The following USP8 variants were observed in gnomAD, a reference collection of about 807,000 sequenced individuals.
The protein encoded by USP8 is ubiquitin specific peptidase 8.
In USP8, 27 loss-of-function variants were observed where a neutral mutation model predicts 130.0. The observed-to-expected ratio is 0.21, with a 90% CI of 0.15 to 0.29. The LOEUF is 0.29. USP8 is among the 10% of genes least tolerant of loss of function. USP8 has a pLI of 1.00. For synonymous variants in USP8, 392 were observed against 444.1 expected (o/e 0.88, Z 1.48); for missense variants, 1,029 against 1,312.2 (o/e 0.78, Z 3.33).
chr15:50,439,799 TA>T (rs1451114933), intron 2 of USP8, among the ~76,000 whole-genome samples: 13 of 134,270 alleles, frequency 9.7e-5, no homozygotes, highest in South Asian at 2.2e-4. Context: ...TCAATAATAA[TA>T]ATAATAATAA....
At chr15:50,494,324 TGCTCAG>T in intron 16 of USP8, 44 bp downstream of exon 16, 1 of 1,523,888 alleles carries the variant, frequency 6.6e-7, no homozygotes, top group Non-Finnish European at 8.8e-7. Context: ...TCTTTAGGGT[TGCTCAG>T]TAGCACTGTA....
intron 1 of USP8, among the ~76,000 whole-genome samples, chr15:50,437,132 T>A (rs564982153): frequency 6.6e-6 from 1 of 152,354 alleles, no homozygotes; most frequent in East Asian, 1.9e-4. Flanking sequence ...TGCGTTGTTA[T>A]GCTCATATTA....
chr15:50,498,097 C>T (rs538953287), intron 18 of USP8, among the ~76,000 whole-genome samples: 11 of 152,206 alleles, frequency 7.2e-5, no homozygotes, highest in African/African-American at 2.4e-4. Context: ...TATGAAATAA[C>T]CATATTACAC....
At chr15:50,483,120 A>G (rs2051834826) in intron 11 of USP8, among the ~76,000 whole-genome samples, 1 of 152,182 alleles carries the variant, frequency 6.6e-6, no homozygotes, top group Non-Finnish European at 1.5e-5. Context: ...TATGCCAAGT[A>G]TTTTCACTGC....
At chr15:50,450,710 A>G (rs1469650514) in intron 4 of USP8, among the ~76,000 whole-genome samples, 1 of 152,060 alleles carries the variant, frequency 6.6e-6, no homozygotes. Context: ...ACCTCCGATG[A>G]TCTGCCTGCC....
rs1275151173 is a variant in USP8 at position 50,462,342 on chromosome 15, G to A, written c.541+20G>A. The stretch of plus-strand genomic sequence containing the variant: ...AGAAAGGTAAGTGTGTACAGAAGGA[G>A]GAAGTTGTTTTAGGTTCTGACTGAG... On this transcript the variant is annotated intron_variant, in intron 6 of 19. Coordinates refer to ENST00000307179, the MANE Select transcript of USP8 (RefSeq NM_005154.5). 5 of 1,586,222 alleles carry A rather than the reference G, an allele frequency of 3.2e-6. No homozygotes were observed. The Admixed American group carries it at 7.7e-5, about 24-fold the overall frequency.
intron 10 of USP8, among the ~76,000 whole-genome samples, chr15:50,478,980 A>G (rs190131265): frequency 1.2e-4 from 18 of 152,238 alleles, no homozygotes; most frequent in Non-Finnish European, 2.1e-4. Flanking sequence ...ACATGAACCC[A>G]GGAAGCAGAG....
rs569394899 is a variant in USP8 at position 50,464,969 on chromosome 15, C to T, written c.542-78C>T. The T allele has an allele frequency of 1.7e-5, 26 of 1,518,488 alleles. No individual in the cohort carries two copies. In the Middle Eastern group the frequency reaches 5.2e-4, roughly 31 times the overall value. 94.1% of individuals were successfully genotyped at this position (1,518,488 alleles called of 1,614,324 possible). Reference sequence around the variant, plus strand: ...GTATACTTTGCTCTTCTAGAAAAAGCGGTTTGTCCTGTGTTTTGTGATGTC... The same window carrying T: ...GTATACTTTGCTCTTCTAGAAAAAGTGGTTTGTCCTGTGTTTTGTGATGTC... On this transcript the variant is annotated intron_variant, in intron 6 of 19. Transcript: ENST00000307179.
At chr15:50,455,552 C>T (rs2050764889) in intron 4 of USP8, among the ~76,000 whole-genome samples, 1 of 152,200 alleles carries the variant, frequency 6.6e-6, no homozygotes, top group Non-Finnish European at 1.5e-5. Flanking sequence ...CAGTGTGCAG[C>T]ACCTTTTCTC....
chr15:50,464,978 C>T (rs2051134962), intron 6 of USP8, 69 bp from the exon 7 acceptor site: 2 of 1,571,694 alleles, frequency 1.3e-6, no homozygotes, highest in Non-Finnish European at 8.6e-7. Context: ...GCGGTTTGTC[C>T]TGTGTTTTGT....
At chr15:50,473,277 A>T (rs1422350981) in intron 8 of USP8, among the ~76,000 whole-genome samples, 2 of 152,154 alleles carry the variant, frequency 1.3e-5, no homozygotes, top group African/African-American at 4.8e-5. Flanking sequence ...TTTCTTACAT[A>T]AAATGGTATA....
intron 10 of USP8, among the ~76,000 whole-genome samples, chr15:50,479,284 T>C (rs2051681543): frequency 6.6e-6 from 1 of 152,082 alleles, no homozygotes; most frequent in Non-Finnish European, 1.5e-5. Context: ...AAGAGTAGGA[T>C]TGGAGGATAG....
At position 50,441,493 on chromosome 15, in the gene USP8, G is replaced by T; in HGVS notation, c.249G>T (p.Gln83His). 6.4e-7 allele frequency: 1 copy of T among 1,555,382 alleles called. No homozygotes were observed. The highest frequency in any genetic ancestry group is 8.6e-7 in the Non-Finnish European group (1 of 1,159,736). The change falls in exon 3 of 20, where the codon CAG becomes CAT. Residue 83 changes from glutamine (Q) to histidine (H), a missense_variant and splice_region_variant. Gln to His is a conservative substitution (Grantham distance 24). Coordinates refer to ENST00000307179, the MANE Select transcript of USP8 (RefSeq NM_005154.5). ...IKKRPDFKQQ[Q>H]DYFHSILGPG... ...AAAGACCTGATTTCAAGCAACAGCAGGTACCTTTTATTTTTGCATTGTTAT... is the reference window on the plus strand; with the variant it reads ...AAAGACCTGATTTCAAGCAACAGCATGTACCTTTTATTTTTGCATTGTTAT...
At chr15:50,451,592 C>T (rs1401061461) in intron 4 of USP8, among the ~76,000 whole-genome samples, 1 of 152,118 alleles carries the variant, frequency 6.6e-6, no homozygotes, top group Non-Finnish European at 1.5e-5. Context: ...TTTGAATTTT[C>T]CTCTGTATAG....
rs888744987 is a variant in USP8, at chr15:50,479,843, C to T, written c.1219-1638C>T. Among the ~76,000 whole-genome samples the T allele has an allele frequency of 4.6e-5, 7 of 152,038 alleles. No individual in the cohort carries two copies. The East Asian group carries it at 9.7e-4, about 21-fold the overall frequency. ...GCGTGATCACAGCTCACTGCAGCCT[C>T]GACTTCCTGGGTTCAAGCAATCCTC... On this transcript the variant is annotated intron_variant, in intron 10 of 19. Transcript: ENST00000307179.
chr15:50,432,463 T>C (rs2049962625), intron 1 of USP8: 1 of 152,200 alleles, frequency 6.6e-6, no homozygotes. Flanking sequence ...GTGCACTGCT[T>C]TTTGCATGGA....
At position 50,477,307 on chromosome 15, in the gene USP8, A is replaced by G; in HGVS notation, c.1026A>G (p.Ser342=). The G allele has an allele frequency of 6.2e-7, 1 of 1,613,200 alleles. No homozygotes were observed. Among genetic ancestry groups the G allele is most frequent in the Non-Finnish European group, 8.5e-7 (1 of 1,179,854 alleles). ...TTACTTATCCCTCATTGGAAGAATC[A>G]ATTCCTTCTAAACCTGCTGCCCAGA... ...LDFTYPSLEE[S]IPSKPAAQTP... is the part of the protein sequence containing the mutation. The change falls in exon 10 of 20, where the codon TCA becomes TCG. Residue 342 remains serine, a synonymous_variant. Transcript: ENST00000307179.
At chr15:50,462,685 C>T (rs1458551931) in intron 6 of USP8, among the ~76,000 whole-genome samples, 1 of 152,128 alleles carries the variant, frequency 6.6e-6, no homozygotes, top group Non-Finnish European at 1.5e-5. Context: ...CTGGTTCCTC[C>T]TCTCCCTTTC....
chr15:50,456,642 T>C (rs554385395), intron 4 of USP8, among the ~76,000 whole-genome samples: 1 of 152,072 alleles, frequency 6.6e-6, no homozygotes, highest in South Asian at 2.1e-4. Context: ...TCCCAGCACT[T>C]TGGGAGGCCG....
Sources: gnomAD v4.1 joint callset for allele counts (sites outside exome capture counted in the v4.1 genomes callset) on GRCh38, gnomAD v4.1.1 for gene constraint, MANE v1.5 for transcripts, NCBI Gene and HGNC (gene_info 2026-07-23, HGNC 2026-07-21) for gene names.